Variants in AGBL1 observed in about 807,000 individuals in gnomAD.
AGBL1 encodes AGBL carboxypeptidase 1.
AGBL1 carries 130 observed loss-of-function variants against 118.9 expected under a neutral mutation model. The ratio of observed to expected loss-of-function variants is 1.09; its 90% CI spans 0.95 to 1.26. AGBL1 has a LOEUF of 1.26. Among genes scored for constraint, AGBL1 ranks in the 50% most tolerant of loss-of-function variants. AGBL1 has a pLI of 0.00. For synonymous variants in AGBL1, 555 were observed against 478.9 expected (o/e 1.16, Z -2.08); for missense variants, 1,584 against 1,298.1 (o/e 1.22, Z -3.38).
intron 18 of AGBL1, among the ~76,000 whole-genome samples, chr15:86,475,912 C>A (rs1319887008): frequency 6.6e-6 from 1 of 152,130 alleles, no homozygotes; most frequent in Non-Finnish European, 1.5e-5. Flanking sequence ...AGAGTGGGGG[C>A]CAATATTTAA....
chr15:87,030,837 C>T (rs562754371), downstream of AGBL1, among the ~76,000 whole-genome samples: 2 of 152,000 alleles, frequency 1.3e-5, no homozygotes, highest in South Asian at 4.1e-4. Context: ...TATTTGAACT[C>T]TATTACTCTA....
At chr15:86,902,536 C>A (rs917257634) in intron 22 of AGBL1, among the ~76,000 whole-genome samples, 4 of 151,942 alleles carry the variant, frequency 2.6e-5, no homozygotes, top group African/African-American at 9.7e-5. Context: ...TTAAAAATTT[C>A]TTTTTATTAT....
intron 18 of AGBL1, 53 bp downstream of exon 18, chr15:86,397,599 A>G: frequency 6.6e-7 from 1 of 1,510,980 alleles, no homozygotes; most frequent in East Asian, 2.3e-5. Context: ...CCACAGTGAC[A>G]CTGTCATTTC....
intron 22 of AGBL1, among the ~76,000 whole-genome samples, chr15:86,781,043 G>C (rs182765740): frequency 1.3e-5 from 2 of 152,106 alleles, no homozygotes; most frequent in Admixed American, 1.3e-4. Flanking sequence ...TTATTCCTAA[G>C]TATTTAACAT....
chr15:86,389,026 A>C (rs1477838465), intron 17 of AGBL1, among the ~76,000 whole-genome samples: 2 of 152,248 alleles, frequency 1.3e-5, no homozygotes, highest in Admixed American at 1.3e-4. Flanking sequence ...TGCAGTATTG[A>C]GAAAATTTTG....
chr15:86,467,820 T>C (rs1303693704), intron 18 of AGBL1, among the ~76,000 whole-genome samples: 1 of 152,186 alleles, frequency 6.6e-6, no homozygotes, highest in Non-Finnish European at 1.5e-5. Flanking sequence ...ACCCACTGTC[T>C]AACCAGTTCC....
intron 22 of AGBL1, among the ~76,000 whole-genome samples, chr15:86,689,363 G>C (rs1227049982): frequency 1.3e-5 from 2 of 152,030 alleles, no homozygotes; most frequent in Non-Finnish European, 2.9e-5. Context: ...AGTATTATCT[G>C]TCTCCTCCAG....
intron 17 of AGBL1, among the ~76,000 whole-genome samples, chr15:86,346,309 A>G (rs573277997): frequency 6.6e-6 from 1 of 150,554 alleles, no homozygotes; most frequent in African/African-American, 2.4e-5. Context: ...AAAAGTACTT[A>G]GTTGATATAG....
At chr15:86,214,439 CCT>C (rs2078152000) in intron 5 of AGBL1, among the ~76,000 whole-genome samples, 1 of 152,166 alleles carries the variant, frequency 6.6e-6, no homozygotes, top group East Asian at 1.9e-4. Context: ...ACTCATTATA[CCT>C]CTCTATATAC....
chr15:86,363,557 ATTTCC>A (rs2080837680), intron 17 of AGBL1, among the ~76,000 whole-genome samples: 1 of 151,758 alleles, frequency 6.6e-6, no homozygotes, highest in Admixed American at 6.6e-5. Context: ...GATCATACTG[ATTTCC>A]TTTCTATTCC....
intron 23 of AGBL1, among the ~76,000 whole-genome samples, chr15:86,981,881 G>A (rs999784189): frequency 6.6e-6 from 1 of 152,084 alleles, no homozygotes; most frequent in Admixed American, 6.5e-5. Flanking sequence ...AGAGTAAGTG[G>A]ATCTTAGTCC....
At chr15:86,548,059 G>C (rs932606869) in intron 20 of AGBL1, among the ~76,000 whole-genome samples, 1 of 152,102 alleles carries the variant, frequency 6.6e-6, no homozygotes, top group Non-Finnish European at 1.5e-5. Context: ...AGACTTTTGT[G>C]TATACAAATG....
At chr15:86,601,838 T>C (rs2084499019) in intron 21 of AGBL1, among the ~76,000 whole-genome samples, 1 of 152,146 alleles carries the variant, frequency 6.6e-6, no homozygotes, top group Non-Finnish European at 1.5e-5. Flanking sequence ...ATCCAATAGA[T>C]AAAGAAATGG....
intron 18 of AGBL1, among the ~76,000 whole-genome samples, chr15:86,507,671 G>C (rs1036860046): frequency 6.6e-6 from 1 of 152,070 alleles, no homozygotes; most frequent in Admixed American, 6.6e-5. Flanking sequence ...ACAGAAACTT[G>C]AGAGAGTAAA....
intron 22 of AGBL1, among the ~76,000 whole-genome samples, chr15:86,730,400 TCAAA>T (rs1381168760): frequency 1.3e-5 from 2 of 152,074 alleles, no homozygotes; most frequent in South Asian, 2.1e-4. Context: ...ACTTAAATAA[TCAAA>T]CAAGCAAAAA....
chr15:86,157,039 C>G (rs968272211), intron 4 of AGBL1, among the ~76,000 whole-genome samples: 1 of 152,134 alleles, frequency 6.6e-6, no homozygotes, highest in African/African-American at 2.4e-5. Context: ...ATCCACCCAC[C>G]TCAGCCTCCC....
intron 19 of AGBL1, among the ~76,000 whole-genome samples, chr15:86,542,435 C>T (rs965039552): frequency 2.7e-5 from 4 of 146,074 alleles, no homozygotes; most frequent in South Asian, 4.3e-4. Flanking sequence ...GGCACGATCT[C>T]GGCTCACTGC....
intron 24 of AGBL1, among the ~76,000 whole-genome samples, chr15:87,023,608 T>G: frequency 6.6e-6 from 1 of 152,072 alleles, no homozygotes; most frequent in East Asian, 1.9e-4. Context: ...AACAATGGAT[T>G]TAATCTATAC....
intron 21 of AGBL1, among the ~76,000 whole-genome samples, chr15:86,606,358 G>A (rs76234863): frequency 6.6e-6 from 1 of 152,012 alleles, no homozygotes; most frequent in African/African-American, 2.4e-5. Flanking sequence ...AGAGTTTTCT[G>A]CGTGAGATTA....
Sources: gnomAD v4.1 joint callset for allele counts (sites outside exome capture counted in the v4.1 genomes callset) on GRCh38, gnomAD v4.1.1 for gene constraint, MANE v1.5 for transcripts, NCBI Gene and HGNC (gene_info 2026-07-23, HGNC 2026-07-21) for gene names.